NT5C3A: variants seen among roughly 807,000 people sequenced by gnomAD.
NT5C3A encodes the protein cytosolic 5'-nucleotidase 3A.
NT5C3A carries 23 observed loss-of-function variants against 40.0 expected under a neutral mutation model. The observed-to-expected ratio is 0.58, with a 90% confidence interval of 0.41 to 0.81. The LOEUF is 0.81. NT5C3A is among the 40% of genes least tolerant of loss of function. The probability of loss-of-function intolerance (pLI) is 0.00; values close to 1 mark genes in which losing one functional copy is unlikely to be tolerated. For missense variants in NT5C3A, 328 were observed against 403.0 expected (o/e 0.81, Z 1.59); for synonymous variants, 130 against 141.4 (o/e 0.92, Z 0.57).
intron 2 of NT5C3A, among the ~76,000 whole-genome samples, chr7:33,024,754 C>T (rs1033305944): frequency 2.3e-4 from 35 of 152,144 alleles, no homozygotes; most frequent in Non-Finnish European, 4.4e-5. Flanking sequence ...ATCCTAATTA[C>T]CCTGATTTGA....
chr7:33,058,150 G>A (rs1329439372), intron 1 of NT5C3A, among the ~76,000 whole-genome samples: 1 of 152,040 alleles, frequency 6.6e-6, no homozygotes, highest in Non-Finnish European at 1.5e-5. Flanking sequence ...GGAGAAATTA[G>A]AAAAGAAGTC....
At chr7:33,044,476 T>C (rs780388493) in intron 1 of NT5C3A, among the ~76,000 whole-genome samples, 50 of 152,294 alleles carry the variant, frequency 3.3e-4, no homozygotes, top group Middle Eastern at 6.8e-3. Context: ...GACTTTCACC[T>C]CTGTACACAA....
intron 1 of NT5C3A, among the ~76,000 whole-genome samples, chr7:33,056,741 T>C (rs1350574198): frequency 6.6e-6 from 1 of 152,162 alleles, no homozygotes; most frequent in Non-Finnish European, 1.5e-5. Flanking sequence ...GCTTCTCCCT[T>C]CTTTTTTAAA....
intron 1 of NT5C3A, among the ~76,000 whole-genome samples, chr7:33,051,177 T>C (rs563724310): frequency 7.2e-5 from 11 of 152,146 alleles, no homozygotes; most frequent in Non-Finnish European, 1.3e-4. Flanking sequence ...TTATTTATTT[T>C]TTTTGAGATG....
chr7:33,019,711 G>A lies in NT5C3A; in HGVS notation c.454C>T (p.His152Tyr). Reference protein sequence around the residue: ...PYMVEWYTKSHGLLVQQALPK... With the variant: ...PYMVEWYTKSYGLLVQQALPK... ...AAAGCTTGCTGAACAAGCAAACCAT[G>A]TGATTTAGTATACCTGGAGTTTATG... The change falls in exon 6 of 9, where the codon CAT becomes TAT. Residue 152 changes from histidine to tyrosine, a missense_variant. His to Tyr is a moderately conservative substitution (Grantham distance 83, BLOSUM62 2). Coordinates refer to ENST00000610140, the MANE Select transcript of NT5C3A (RefSeq NM_001002010.5). 1 of 1,599,034 alleles carries A rather than the reference G, an allele frequency of 6.3e-7. No homozygotes were observed. The highest frequency in any genetic ancestry group is 1.1e-5 in the South Asian group (1 of 90,804).
chr7:33,057,273 G>A lies in NT5C3A; in HGVS notation c.138+5295C>T, dbSNP rs531339325. ...CAGTTGGTACACACCTGTAATCCCA[G>A]CATTTTGGGAGGCCAAGATGGGTGG... is the stretch of plus-strand genomic sequence containing the variant. On this transcript the variant is annotated intron_variant, in intron 1 of 8. Coordinates refer to ENST00000610140, the MANE Select transcript of NT5C3A (RefSeq NM_001002010.5). Among the ~76,000 whole-genome samples the A allele has an allele frequency of 2.0e-5, 3 of 152,254 alleles. No homozygotes were observed. The East Asian group carries it at 5.8e-4, about 29-fold the overall frequency.
At chr7:33,032,677 G>C (rs1256788794) in intron 1 of NT5C3A, among the ~76,000 whole-genome samples, 1 of 149,214 alleles carries the variant, frequency 6.7e-6, no homozygotes, top group Admixed American at 6.7e-5. Context: ...GGCTGGTCTT[G>C]AACTCCTGGA....
chr7:33,056,368 G>A (rs1201272924), intron 1 of NT5C3A, among the ~76,000 whole-genome samples: 2 of 150,694 alleles, frequency 1.3e-5, no homozygotes, highest in African/African-American at 2.4e-5. Flanking sequence ...CAGGTATGGT[G>A]GTTCACACCT....
At chr7:33,022,405 A>AT (rs1406814409) in intron 3 of NT5C3A, among the ~76,000 whole-genome samples, 1 of 149,044 alleles carries the variant, frequency 6.7e-6, no homozygotes, top group Non-Finnish European at 1.5e-5. Flanking sequence ...GATCACTTCC[A>AT]TTTTCTACTT....
intron 6 of NT5C3A, among the ~76,000 whole-genome samples, chr7:33,019,368 A>T (rs940653239): frequency 6.6e-6 from 1 of 152,156 alleles, no homozygotes; most frequent in Non-Finnish European, 1.5e-5. Flanking sequence ...TGGTTCAAAA[A>T]TTTTAAGTCT....
At chr7:33,056,505 AAAAAAAAAAAAT>A in intron 1 of NT5C3A, among the ~76,000 whole-genome samples, 2 of 137,002 alleles carry the variant, frequency 1.5e-5, no homozygotes, top group African/African-American at 6.0e-5. Context: ...AAAAAAAAAA[AAAAAAAAAAAAT>A]TTAACTTAGC....
At chr7:33,056,627 G>A (rs780089773) in intron 1 of NT5C3A, among the ~76,000 whole-genome samples, 25 of 151,596 alleles carry the variant, frequency 1.6e-4, no homozygotes, top group Non-Finnish European at 3.2e-4. Context: ...AGCCATGATC[G>A]CTTCATTGCA....
At chr7:33,020,125 C>G (rs904171644) in intron 5 of NT5C3A, among the ~76,000 whole-genome samples, 8 of 152,088 alleles carry the variant, frequency 5.3e-5, no homozygotes, top group African/African-American at 1.7e-4. Flanking sequence ...ACTGAAGATG[C>G]TACTTAGTGA....
chr7:33,060,892 T>C (rs1437607123), intron 1 of NT5C3A, among the ~76,000 whole-genome samples: 1 of 152,216 alleles, frequency 6.6e-6, no homozygotes. Flanking sequence ...CTTTTTCCAT[T>C]GAAAAGCTAC....
chr7:33,040,814 T>C (rs200070737), intron 1 of NT5C3A: 2 of 850,250 alleles, frequency 2.4e-6, no homozygotes, highest in East Asian at 1.2e-4. Flanking sequence ...TAGAATCAAA[T>C]AAGAATCACA....
chr7:33,041,151 G>T, intron 1 of NT5C3A: 1 of 984,678 alleles, frequency 1.0e-6, no homozygotes, highest in Non-Finnish European at 1.2e-6. Context: ...CTGGCAACTG[G>T]CTCTGGAAAG....
At chr7:33,027,777 T>A (rs117903001) in intron 1 of NT5C3A, among the ~76,000 whole-genome samples, 2,078 of 152,288 alleles carry the variant, frequency 0.014, 25 homozygotes, top group South Asian at 0.065. Context: ...CCATTTTATA[T>A]AATACAGTAA....
At chr7:33,023,192 G>A (rs112915903) in intron 3 of NT5C3A, among the ~76,000 whole-genome samples, 12 of 152,100 alleles carry the variant, frequency 7.9e-5, no homozygotes, top group African/African-American at 2.4e-4. Flanking sequence ...GATTACAGGC[G>A]TGAGCCACTG....
chr7:33,061,393 C>CTT (rs934911039), intron 1 of NT5C3A, among the ~76,000 whole-genome samples: 15 of 149,564 alleles, frequency 1.0e-4, no homozygotes, highest in South Asian at 2.1e-4. Context: ...TGGGAATTAA[C>CTT]TTTTTTTTTT....
Sources: allele counts gnomAD v4.1 joint callset (sites outside exome capture counted in the v4.1 genomes callset), GRCh38; gene constraint gnomAD v4.1.1; transcripts MANE v1.5; gene names NCBI Gene and HGNC (gene_info 2026-07-23, HGNC 2026-07-21).